The following CHRNA6 variants were observed in gnomAD, a reference collection of about 807,000 sequenced individuals.
CHRNA6 encodes the protein cholinergic receptor nicotinic alpha 6 subunit.
In CHRNA6, 31 loss-of-function variants were observed where a neutral mutation model predicts 40.9. The observed-to-expected ratio is 0.76, with a 90% CI of 0.57 to 1.02. The LOEUF (loss-of-function observed/expected upper bound fraction) is 1.02. CHRNA6 is among the 50% of genes least tolerant of loss of function. The pLI, the probability that CHRNA6 is intolerant of heterozygous loss-of-function variation, is 0.00. For missense variants in CHRNA6, 546 were observed against 596.6 expected (o/e 0.92, Z 0.88); for synonymous variants, 222 against 221.3 (o/e 1.00, Z -0.03).
At position 42,768,246 on chromosome 8, in the gene CHRNA6, G is replaced by A; in HGVS notation, c.79+106C>T. 3.4e-6 allele frequency: 3 copies of A among 874,416 alleles called. No homozygotes were observed. The South Asian group carries it at 5.0e-5, about 14-fold the overall frequency. 54.2% of individuals were successfully genotyped at this position (874,416 alleles called of 1,614,324 possible). A position where few individuals can be genotyped will look rare whatever the true frequency, so the allele number is the denominator to read the frequency against. On this transcript the variant is annotated intron_variant, in intron 1 of 5. Transcript: ENST00000276410. Reference sequence around the variant, plus strand: ...TTGTAACAGTGGTGGCTCCTATGCAGACCATAGAAACTTTTATTAATATAT... The same window carrying A: ...TTGTAACAGTGGTGGCTCCTATGCAAACCATAGAAACTTTTATTAATATAT...
rs757220335 is a variant in CHRNA6 at position 42,765,076 on chromosome 8, G to A, written c.208C>T (p.Leu70=). 6.2e-7 allele frequency: 1 copy of A among 1,613,980 alleles called. No individual in the cohort carries two copies. The highest frequency in any genetic ancestry group is 1.3e-5 in the African/African-American group (1 of 74,932). ...CAGAGGGCACTCACCACGTTGGCCAGCTGGGTGATGGCCACTTCAAAGTGT... is the reference window on the plus strand; with the variant it reads ...CAGAGGGCACTCACCACGTTGGCCAACTGGGTGATGGCCACTTCAAAGTGT... ...TVHFEVAITQ[L]ANVDEVNQIM... is the part of the protein sequence containing the mutation. The change falls in exon 2 of 6, where the codon CTG becomes TTG. Residue 70 remains leucine (L), a synonymous_variant. Coordinates refer to ENST00000276410, the MANE Select transcript of CHRNA6 (RefSeq NM_004198.3).
At chr8:42,758,368 G>GT (rs749616963) in intron 3 of CHRNA6, among the ~76,000 whole-genome samples, 21 of 146,364 alleles carry the variant, frequency 1.4e-4, no homozygotes, top group Admixed American at 1.3e-4. Context: ...TTTTTGTTTT[G>GT]TTTTGTTTTC....
rs767679720 is a variant in CHRNA6, at chr8:42,756,293, C to T, written c.906G>A (p.Leu302=). 11 of 1,614,094 alleles carry T rather than the reference C, an allele frequency of 6.8e-6. No homozygotes were observed. The highest frequency in any genetic ancestry group is 2.7e-5 in the African/African-American group (2 of 74,942). The change falls in exon 5 of 6, where the codon CTG becomes CTA. Residue 302 remains leucine (L), a synonymous_variant. Transcript: ENST00000276410. ...TIPSTSLVVP[L]VGEYLLFTMI... is the part of the protein sequence containing the mutation. ...TGGTGAACAGCAGGTACTCACCCAC[C>T]AGTGGGACCACCAGAGATGTGGATG...
Position 42,759,132 on chromosome 8 carries a change from AC to A in CHRNA6, c.220-20del. ...CTTCATCCTGGGAAGAAGAAATAAT[AC>A]TTTTAGCCTCAAATGTGCTTGCCAT... On this transcript the variant is annotated intron_variant, in intron 2 of 5. Transcript: ENST00000276410. The A allele has an allele frequency of 2.5e-6, 4 of 1,608,482 alleles. No homozygotes were observed. The highest frequency in any genetic ancestry group is 3.4e-6 in the Non-Finnish European group (4 of 1,174,840).
intron 1 of CHRNA6, among the ~76,000 whole-genome samples, chr8:42,765,725 G>A (rs968848614): frequency 4.6e-5 from 7 of 152,148 alleles, no homozygotes; most frequent in Admixed American, 6.5e-5. Flanking sequence ...GATGGTCTTC[G>A]CAAGTCATGT....
Position 42,756,149 on chromosome 8 carries a change from G to A in CHRNA6, c.1050C>T (p.Pro350=), listed in dbSNP as rs200381658. ...GAGGCCACCTCATCAGCAGGACCTG[G>A]GGCAGCAGCTTCAGGAAAACTGTCT... is the stretch of plus-strand genomic sequence containing the variant. ...WVKTVFLKLL[P]QVLLMRWPLD... Residue 350 remains proline (P), a synonymous_variant, in exon 5 of 6, where the codon CCC becomes CCT. Transcript: ENST00000276410. 11 of 1,614,252 alleles carry A rather than the reference G, an allele frequency of 6.8e-6. No homozygotes were observed. The highest frequency in any genetic ancestry group is 9.3e-6 in the Non-Finnish European group (11 of 1,180,036).
In CHRNA6 at chr8:42,765,107, G is replaced by C. The variant is rs183162973; in HGVS notation, c.177C>G (p.Val59=). The C allele has an allele frequency of 2.7e-5, 43 of 1,614,178 alleles. No individual in the cohort carries two copies. The highest frequency in any genetic ancestry group is 3.6e-5 in the Non-Finnish European group (43 of 1,180,020). The change falls in exon 2 of 6, where the codon GTC becomes GTG. Residue 59 remains valine, a synonymous_variant. Transcript: ENST00000276410. ...IRPVENVSDP[V]TVHFEVAITQ... is the part of the protein sequence containing the mutation. ...TGATGGCCACTTCAAAGTGTACCGT[G>C]ACAGGGTCGGAAACGTTTTCCACAG...
chr8:42,761,584 GT>G (rs1488727794), intron 2 of CHRNA6, among the ~76,000 whole-genome samples: 2 of 152,238 alleles, frequency 1.3e-5, no homozygotes, highest in African/African-American at 4.8e-5. Flanking sequence ...GCTCCAGGTG[GT>G]ATGGACATGG....
intron 3 of CHRNA6, among the ~76,000 whole-genome samples, chr8:42,757,433 G>T (rs1164081724): frequency 7.0e-6 from 1 of 143,322 alleles, no homozygotes; most frequent in Non-Finnish European, 1.5e-5. Context: ...GTTGAAAAAA[G>T]AATACATTTG....
chr8:42,764,957 G>A lies in CHRNA6; in HGVS notation c.219+108C>T, dbSNP rs532931797. On this transcript the variant is annotated intron_variant, in intron 2 of 5. Transcript: ENST00000276410. ...CCTCCCAAATGGATGGCTTTGAAGGGCCAGATCTCGTGTAGATTTGCATCT... is the reference window on the plus strand; with the variant it reads ...CCTCCCAAATGGATGGCTTTGAAGGACCAGATCTCGTGTAGATTTGCATCT... 9.6e-6 allele frequency: 12 copies of A among 1,244,748 alleles called. No individual in the cohort carries two copies. The African/African-American group carries it at 1.5e-4, about 15-fold the overall frequency. The allele number at this position is 1,244,748 out of a possible 1,614,324, so 77.1% of individuals were successfully genotyped here.
Position 42,765,132 on chromosome 8 carries a change from G to A in CHRNA6, c.152C>T (p.Pro51Leu). The A allele has an allele frequency of 6.2e-7, 1 of 1,614,188 alleles. No homozygotes were observed. Among genetic ancestry groups the A allele is most frequent in the Non-Finnish European group, 8.5e-7 (1 of 1,180,004 alleles). Residue 51 changes from proline to leucine, a missense_variant, in exon 2 of 6, where the codon CCT (proline) becomes CTT (leucine). This residue lies in a region of CHRNA6 where 476 missense variants were observed against 494.5 expected (regional missense o/e 0.96). Coordinates refer to ENST00000276410, the MANE Select transcript of CHRNA6 (RefSeq NM_004198.3). The part of the protein sequence containing the change: ...LFSHYNQFIR[P>L]VENVSDPVTV... The stretch of plus-strand genomic sequence containing the variant: ...GACAGGGTCGGAAACGTTTTCCACA[G>A]GCCTGATGAACTGGTTGTAATGAGA...
chr8:42,757,971 C>T (rs1437640413), intron 3 of CHRNA6, among the ~76,000 whole-genome samples: 1 of 151,620 alleles, frequency 6.6e-6, no homozygotes, highest in African/African-American at 2.4e-5. Context: ...GGAGGCGGAG[C>T]TTGCAGTGAG....
Position 42,756,211 on chromosome 8 carries a change from G to T in CHRNA6, c.988C>A (p.Arg330Ser), listed in dbSNP as rs745799927. 2.5e-6 allele frequency: 4 copies of T among 1,614,192 alleles called. No individual in the cohort carries two copies. The highest frequency in any genetic ancestry group is 3.4e-6 in the Non-Finnish European group (4 of 1,180,036). ...VTVFVLNIHY[R>S]TPTTHTMPRW... ...GGCATTGTGTGCGTGGTTGGGGTGC[G>T]GTAGTGTATGTTCAACACAAACACA... The change falls in exon 5 of 6, where the codon CGC becomes AGC. Residue 330 changes from arginine (R) to serine (S), a missense_variant. Arg to Ser is a moderately radical substitution (Grantham distance 110). This residue lies in a region of CHRNA6 where 476 missense variants were observed against 494.5 expected (regional missense o/e 0.96). Transcript: ENST00000276410.
intron 2 of CHRNA6, among the ~76,000 whole-genome samples, chr8:42,760,670 A>G (rs1816892042): frequency 6.6e-6 from 1 of 152,228 alleles, no homozygotes; most frequent in Non-Finnish European, 1.5e-5. Context: ...ACATGTGCAC[A>G]TGATCTCAGT....
intron 2 of CHRNA6, among the ~76,000 whole-genome samples, chr8:42,764,002 G>A (rs1462621259): frequency 6.6e-6 from 1 of 152,130 alleles, no homozygotes; most frequent in African/African-American, 2.4e-5. Flanking sequence ...ACTTGAGCAG[G>A]GCTCCCCCTC....
intron 5 of CHRNA6, among the ~76,000 whole-genome samples, chr8:42,753,644 A>G (rs186467761): frequency 6.6e-6 from 1 of 152,370 alleles, no homozygotes; most frequent in African/African-American, 2.4e-5. Flanking sequence ...ACTGCACTCC[A>G]GCCTGGGTGA....
rs1294417545 is a variant in CHRNA6 at position 42,756,286 on chromosome 8, C to T, written c.913G>A (p.Glu305Lys). The change falls in exon 5 of 6, where the codon GAG becomes AAG. Residue 305 changes from glutamate (E) to lysine (K), a missense_variant. Around this residue, in one of 3 missense-constraint regions of CHRNA6, gnomAD observed 476 missense variants for 494.5 expected, o/e 0.96. Coordinates refer to ENST00000276410, the MANE Select transcript of CHRNA6 (RefSeq NM_004198.3). ...AAGATCATGGTGAACAGCAGGTACT[C>T]ACCCACCAGTGGGACCACCAGAGAT... ...STSLVVPLVG[E>K]YLLFTMIFVT... 8.1e-6 allele frequency: 13 copies of T among 1,614,110 alleles called. No homozygotes were observed. Among genetic ancestry groups the T allele is most frequent in the Middle Eastern group, 1.6e-4 (1 of 6,084 alleles).
chr8:42,756,215 G>A lies in CHRNA6; in HGVS notation c.984C>T (p.His328=), dbSNP rs199675892. 1 of 1,614,210 alleles carries A rather than the reference G, an allele frequency of 6.2e-7. No homozygotes were observed. Among genetic ancestry groups the A allele is most frequent in the Non-Finnish European group, 8.5e-7 (1 of 1,180,042 alleles). Residue 328 remains histidine (H), a synonymous_variant, in exon 5 of 6, where the codon CAC becomes CAT. Coordinates refer to ENST00000276410, the MANE Select transcript of CHRNA6 (RefSeq NM_004198.3). The stretch of plus-strand genomic sequence containing the variant: ...TTGTGTGCGTGGTTGGGGTGCGGTA[G>A]TGTATGTTCAACACAAACACAGTCA... ...IVVTVFVLNI[H]YRTPTTHTMP...
intron 5 of CHRNA6, among the ~76,000 whole-genome samples, chr8:42,753,812 T>C (rs903759574): frequency 2.9e-4 from 44 of 152,028 alleles, no homozygotes; most frequent in Non-Finnish European, 5.9e-4. Context: ...GACAGCAGAG[T>C]CTGCGGCAAA....
Sources: gnomAD v4.1 joint callset for allele counts (sites outside exome capture counted in the v4.1 genomes callset) on GRCh38, gnomAD v4.1.1 for gene constraint, gnomAD v4.1.1 regional missense constraint, MANE v1.5 for transcripts, NCBI Gene and HGNC (gene_info 2026-07-23, HGNC 2026-07-21) for gene names.